Variants in PLPP7 observed in about 807,000 individuals in gnomAD.
PLPP7 encodes inactive phospholipid phosphatase 7.
In PLPP7, 11 loss-of-function variants were observed where a neutral mutation model predicts 16.9. That is an observed-to-expected ratio of 0.65 (90% CI 0.41 to 1.08). The LOEUF (loss-of-function observed/expected upper bound fraction) is 1.08, where lower values mean the gene tolerates loss of function less well. Among genes scored for constraint, PLPP7 ranks in the 50% least tolerant of loss-of-function variants. The pLI, the probability that PLPP7 is intolerant of heterozygous loss-of-function variation, is 0.00. For synonymous variants in PLPP7, 174 were observed against 175.1 expected (o/e 0.99, Z 0.05); for missense variants, 358 against 397.1 (o/e 0.90, Z 0.84).
intron 1 of PLPP7, among the ~76,000 whole-genome samples, chr9:131,303,920 C>T (rs996734061): frequency 3.3e-5 from 5 of 152,188 alleles, no homozygotes; most frequent in Admixed American, 1.3e-4. Context: ...TGCCTGTGAG[C>T]TTTGCCACCA....
intron 1 of PLPP7, among the ~76,000 whole-genome samples, chr9:131,307,551 C>CAAAAAAAAAAAAAAAA (rs57469502): frequency 3.3e-5 from 2 of 60,586 alleles, no homozygotes; most frequent in Admixed American, 2.5e-4. Context: ...AACTCTGTCT[C>CAAAAAAAAAAAAAAAA]AAAAAAAAAA....
chr9:131,301,977 C>T lies in PLPP7; in HGVS notation c.452-5946C>T, dbSNP rs1255336641. ...GACTACAGGTGCCCGCCACCATGCC[C>T]AGCTAATTTTTTTGTATTTTTAGTA... is the stretch of plus-strand genomic sequence containing the variant. On this transcript the variant is annotated intron_variant, in intron 1 of 1. Transcript: ENST00000372264. Among the ~76,000 whole-genome samples, 4 of 152,032 alleles carry T rather than the reference C, an allele frequency of 2.6e-5. No homozygotes were observed. The East Asian group carries it at 7.7e-4, about 29-fold the overall frequency.
rs1292096956 is a variant in PLPP7 at position 131,289,785 on chromosome 9, G to T, written c.-213G>T. ...GTGCAGGCCCCGCATTGGAGGGCTC[G>T]ATTGGCTGCCCGGCTGGCACTGACG... is the stretch of plus-strand genomic sequence containing the variant. On this transcript the variant is annotated 5_prime_UTR_variant, in exon 1 of 2. Transcript: ENST00000372264. 2.4e-6 allele frequency: 1 copy of T among 410,906 alleles called. No homozygotes were observed. Among genetic ancestry groups the T allele is most frequent in the Non-Finnish European group, 4.2e-6 (1 of 237,098 alleles). The allele number at this position is 410,906 out of a possible 1,614,324, so 25.5% of individuals were successfully genotyped here. A position where few individuals can be genotyped will look rare whatever the true frequency, so the allele number is the denominator to read the frequency against.
intron 1 of PLPP7, among the ~76,000 whole-genome samples, chr9:131,300,344 A>C (rs1387222569): frequency 6.6e-6 from 1 of 152,074 alleles, no homozygotes; most frequent in Non-Finnish European, 1.5e-5. Context: ...TGTTTCCTAC[A>C]CCGAGTCTGT....
chr9:131,303,332 TAAAAAAA>T (rs34474446), intron 1 of PLPP7, among the ~76,000 whole-genome samples: 20 of 99,176 alleles, frequency 2.0e-4, no homozygotes, highest in African/African-American at 7.4e-4. Context: ...AACTCTGTCT[TAAAAAAA>T]AAAAAAAAAA....
chr9:131,304,988 G>C (rs1458110487), intron 1 of PLPP7, among the ~76,000 whole-genome samples: 2 of 152,176 alleles, frequency 1.3e-5, no homozygotes, highest in Non-Finnish European at 2.9e-5. Context: ...AAGAGCCTCA[G>C]GTATGAGTGC....
chr9:131,291,270 C>A, intron 1 of PLPP7: 1 of 1,289,238 alleles, frequency 7.8e-7, no homozygotes, highest in South Asian at 1.2e-5. Context: ...GCCAGGCCCG[C>A]ATCGATTTCC....
intron 1 of PLPP7, among the ~76,000 whole-genome samples, chr9:131,307,569 A>C (rs1835867132): frequency 1.3e-5 from 2 of 151,034 alleles, no homozygotes; most frequent in Admixed American, 1.3e-4. Flanking sequence ...AAAAAAAAAA[A>C]AAAAAAAAAA....
intron 1 of PLPP7, among the ~76,000 whole-genome samples, chr9:131,302,279 C>G (rs1339225638): frequency 6.6e-6 from 1 of 152,170 alleles, no homozygotes; most frequent in East Asian, 1.9e-4. Context: ...GTGGAGAAAG[C>G]CTGTCACCAG....
At chr9:131,293,652 G>C (rs1038800096) in intron 1 of PLPP7, among the ~76,000 whole-genome samples, 2 of 152,226 alleles carry the variant, frequency 1.3e-5, no homozygotes, top group African/African-American at 2.4e-5. Context: ...ACAGGCTCTG[G>C]GGAGAGACTG....
intron 1 of PLPP7, among the ~76,000 whole-genome samples, chr9:131,300,540 C>A (rs1484086056): frequency 6.6e-6 from 1 of 151,878 alleles, no homozygotes; most frequent in Non-Finnish European, 1.5e-5. Context: ...AAAAAATTAG[C>A]CAGTTGTGGC....
intron 1 of PLPP7, among the ~76,000 whole-genome samples, chr9:131,300,989 G>A (rs1835792840): frequency 6.6e-6 from 1 of 152,044 alleles, no homozygotes; most frequent in South Asian, 2.1e-4. Context: ...TTTATTTTGA[G>A]ACAGAGTCCC....
At chr9:131,307,577 A>AC (rs1271114759) in intron 1 of PLPP7, among the ~76,000 whole-genome samples, 5 of 148,278 alleles carry the variant, frequency 3.4e-5, no homozygotes, top group African/African-American at 1.2e-4. Flanking sequence ...AAAAAAAAAA[A>AC]AAAAAAACCC....
Position 131,295,618 on chromosome 9 carries a change from T to C in PLPP7, c.451+5170T>C, listed in dbSNP as rs975076621. The stretch of plus-strand genomic sequence containing the variant: ...TCCAGAACTCTTTTCATCTTTCATC[T>C]TAAAACACAGAAGCTCTGTCCCCAT... On this transcript the variant is annotated intron_variant, in intron 1 of 1. Coordinates refer to ENST00000372264, the MANE Select transcript of PLPP7 (RefSeq NM_032728.4). This position sits in a 1 kb window ranked among gnomAD's most constrained non-coding sequence, Gnocchi z 4.0. Among the ~76,000 whole-genome samples the C allele has an allele frequency of 6.6e-6, 1 of 152,142 alleles. No homozygotes were observed. The highest frequency in any genetic ancestry group is 2.4e-5 in the African/African-American group (1 of 41,444).
rs774156407 is a variant in PLPP7 at position 131,290,585 on chromosome 9, G to A, written c.451+137G>A. 8.5e-6 allele frequency: 7 copies of A among 821,628 alleles called. No homozygotes were observed. Among genetic ancestry groups the A allele is most frequent in the East Asian group, 2.9e-5 (1 of 34,252 alleles). 50.9% of individuals were successfully genotyped at this position (821,628 alleles called of 1,614,324 possible). A position where few individuals can be genotyped will look rare whatever the true frequency, so the allele number is the denominator to read the frequency against. On this transcript the variant is annotated intron_variant, in intron 1 of 1. Coordinates refer to ENST00000372264, the MANE Select transcript of PLPP7 (RefSeq NM_032728.4). The surrounding 1 kb of genome is among the most constrained non-coding windows in gnomAD (Gnocchi z 4.2). ...GGTCTAATGAGGTTAGGCAGGAAGG[G>A]TGCCCCAGAAACAGGCAGGCTCCGG...
In PLPP7 at chr9:131,308,629, A is replaced by G. The variant is rs982429533; in HGVS notation, c.*342A>G. ...GGGCCGAGTCTTGTCTTGTCCTTTCATCATCATGACTGTTGAGTTCTTGGC... is the reference window on the plus strand; with the variant it reads ...GGGCCGAGTCTTGTCTTGTCCTTTCGTCATCATGACTGTTGAGTTCTTGGC... On this transcript the variant is annotated 3_prime_UTR_variant, in exon 2 of 2. Transcript: ENST00000372264. 1.6e-5 allele frequency: 5 copies of G among 313,912 alleles called. No homozygotes were observed. Among genetic ancestry groups the G allele is most frequent in the Non-Finnish European group, 2.4e-5 (4 of 164,784 alleles). The allele number at this position is 313,912 out of a possible 1,614,324, so 19.4% of individuals were successfully genotyped here.
At chr9:131,307,813 TG>T in intron 1 of PLPP7, 109 bp from the exon 2 acceptor site, 1 of 1,151,914 alleles carries the variant, frequency 8.7e-7, no homozygotes, top group Non-Finnish European at 1.2e-6. Flanking sequence ...TGTGGCTGAG[TG>T]GCCTGAGTGA....
rs1051941831 is a variant in PLPP7 at position 131,308,262 on chromosome 9, G to T, written c.791G>T (p.Cys264Phe). Reference protein sequence around the residue: ...VELVWMPSSTCQMLISAW With the variant: ...VELVWMPSSTFQMLISAW Reference sequence around the variant, plus strand: ...CTGGTCTGGATGCCCTCCAGCACCTGCCAGATGCTCATCTCTGCCTGGTGA... The same window carrying T: ...CTGGTCTGGATGCCCTCCAGCACCTTCCAGATGCTCATCTCTGCCTGGTGA... Residue 264 changes from cysteine to phenylalanine, a missense_variant, in exon 2 of 2, where the codon TGC (cysteine) becomes TTC (phenylalanine). Transcript: ENST00000372264. 17 of 1,595,908 alleles carry T rather than the reference G, an allele frequency of 1.1e-5. No homozygotes were observed. The highest frequency in any genetic ancestry group is 1.4e-5 in the Non-Finnish European group (16 of 1,178,390).
intron 1 of PLPP7, among the ~76,000 whole-genome samples, chr9:131,307,306 C>T (rs1049433003): frequency 2.0e-5 from 3 of 149,020 alleles, no homozygotes; most frequent in African/African-American, 7.4e-5. Context: ...AATCCCAGCA[C>T]AATGGGAGGC....
Sources: gnomAD v4.1 joint callset for allele counts (sites outside exome capture counted in the v4.1 genomes callset) on GRCh38, gnomAD v4.1.1 for gene constraint, Gnocchi (gnomAD v3.1) non-coding constraint, MANE v1.5 for transcripts, NCBI Gene and HGNC (gene_info 2026-07-23, HGNC 2026-07-21) for gene names.